PSPH: variants seen among roughly 807,000 people sequenced by gnomAD.
PSPH encodes phosphoserine phosphatase.
A neutral mutation model predicts 23.4 loss-of-function variants in PSPH; 16 were observed. That is an observed-to-expected ratio of 0.68 (90% CI 0.46 to 1.04). The LOEUF (loss-of-function observed/expected upper bound fraction) is 1.04. PSPH is among the 50% of genes least tolerant of loss of function. The pLI, the probability that PSPH is intolerant of heterozygous loss-of-function variation, is 0.00. For missense variants in PSPH, 223 were observed against 273.7 expected (o/e 0.81, Z 1.31); for synonymous variants, 68 against 99.7 (o/e 0.68, Z 1.89).
Position 56,011,807 on chromosome 7 carries a change from C to A in PSPH, c.633G>T (p.Trp211Cys), listed in dbSNP as rs368948571. ...IRQQVKDNAK[W>C]YITDFVELLG... is the part of the protein sequence containing the mutation. ...GCAGCTCTACAAAATCAGTGATATA[C>A]CATTTGGCGTTATCCTTGACTTGTT... is the stretch of plus-strand genomic sequence containing the variant. The change falls in exon 8 of 8, where the codon TGG becomes TGT. Residue 211 changes from tryptophan (W) to cysteine (C), a missense_variant. Coordinates refer to ENST00000275605, the MANE Select transcript of PSPH (RefSeq NM_004577.4). The A allele has an allele frequency of 1.9e-6, 3 of 1,613,476 alleles. No individual in the cohort carries two copies.
chr7:56,018,401 G>A (rs571853240), intron 5 of PSPH, among the ~76,000 whole-genome samples: 55 of 152,060 alleles, frequency 3.6e-4, no homozygotes, highest in African/African-American at 1.1e-3. Flanking sequence ...TTAGGAAACC[G>A]TTCCAGAACT....
At chr7:56,028,775 A>G (rs1790553965) in intron 3 of PSPH, among the ~76,000 whole-genome samples, 1 of 151,824 alleles carries the variant, frequency 6.6e-6, no homozygotes, top group African/African-American at 2.4e-5. Flanking sequence ...GCTCTGCAAA[A>G]TGGTGCACCT....
intron 1 of PSPH, among the ~76,000 whole-genome samples, chr7:56,045,092 T>C (rs1173047142): frequency 2.1e-5 from 2 of 95,390 alleles, no homozygotes; most frequent in Admixed American, 2.1e-4. Context: ...AAAAAAAAAA[T>C]AGAATTCTTG....
In PSPH at chr7:56,016,917, G is replaced by A. The variant is rs374294001; in HGVS notation, c.421+317C>T. ...GAGTCTAAATTGCTTCAAATGCATA[G>A]AAGCTCCCATAAAGTTGAAATATAA... On this transcript the variant is annotated intron_variant, in intron 6 of 7. Coordinates refer to ENST00000275605, the MANE Select transcript of PSPH (RefSeq NM_004577.4). Among the ~76,000 whole-genome samples the A allele has an allele frequency of 4.2e-4, 64 of 152,196 alleles. 2 individuals are homozygous for A. The South Asian group carries it at 0.013, about 31-fold the overall frequency.
intron 1 of PSPH, among the ~76,000 whole-genome samples, chr7:56,050,016 G>C (rs192574141): frequency 6.6e-6 from 1 of 152,028 alleles, no homozygotes; most frequent in African/African-American, 2.4e-5. Flanking sequence ...GATTACAAGC[G>C]TGCGCCACCA....
intron 2 of PSPH, among the ~76,000 whole-genome samples, chr7:56,033,712 C>G (rs1176098663): frequency 6.6e-6 from 1 of 152,078 alleles, no homozygotes; most frequent in African/African-American, 2.4e-5. Context: ...CAATCTTGCA[C>G]TAAGGGTGCT....
chr7:56,047,669 C>CTTTT (rs1197894960), intron 1 of PSPH, among the ~76,000 whole-genome samples: 1 of 138,494 alleles, frequency 7.2e-6, no homozygotes, highest in Non-Finnish European at 1.6e-5. Context: ...GAATAACCTG[C>CTTTT]TTTTTTTTTT....
intron 1 of PSPH, among the ~76,000 whole-genome samples, chr7:56,038,291 C>CAAAAAAAAA (rs34887035): frequency 2.0e-4 from 25 of 127,124 alleles, no homozygotes; most frequent in Admixed American, 3.3e-4. Context: ...ACAAAAAATA[C>CAAAAAAAAA]AAAAAAAAAA....
intron 5 of PSPH, among the ~76,000 whole-genome samples, chr7:56,018,141 C>T (rs1014687184): frequency 7.2e-5 from 11 of 151,902 alleles, no homozygotes; most frequent in African/African-American, 9.7e-5. Context: ...CTCAGGCATT[C>T]GAGACCAGCC....
At chr7:56,038,587 C>T (rs946916627) in intron 1 of PSPH, among the ~76,000 whole-genome samples, 1 of 152,228 alleles carries the variant, frequency 6.6e-6, no homozygotes, top group East Asian at 1.9e-4. Context: ...CTAATCCTAG[C>T]ACTTTGGGAG....
In PSPH at chr7:56,019,641, T is replaced by A. The variant is rs748743185; in HGVS notation, c.234A>T (p.Arg78Ser). The A allele has an allele frequency of 1.9e-6, 3 of 1,613,830 alleles. No homozygotes were observed. In the East Asian group the frequency reaches 6.7e-5, roughly 36 times the overall value. The change falls in exon 5 of 8, where the codon AGA becomes AGT. Residue 78 changes from arginine (R) to serine (S), a missense_variant. Transcript: ENST00000275605. ...GGTGTGGGGGTTGCTCTGCTATGAG[T>A]CTCTGCACCTGCTCCCTGGAGGGCT... ...LIQPSREQVQ[R>S]LIAEQPPHLT...
chr7:56,038,245 T>G (rs1393877264), intron 1 of PSPH, among the ~76,000 whole-genome samples: 1 of 144,484 alleles, frequency 6.9e-6, no homozygotes, highest in Non-Finnish European at 1.5e-5. Context: ...GAAACCATCC[T>G]GGCTAACACG....
At chr7:56,048,273 C>G (rs1793514705) in intron 1 of PSPH, among the ~76,000 whole-genome samples, 1 of 137,738 alleles carries the variant, frequency 7.3e-6, no homozygotes, top group Non-Finnish European at 1.6e-5. Context: ...GAGCAACACT[C>G]TGTCTTTAAA....
At chr7:56,046,752 C>T (rs1286418968) in intron 1 of PSPH, among the ~76,000 whole-genome samples, 1 of 149,856 alleles carries the variant, frequency 6.7e-6, no homozygotes, top group Non-Finnish European at 1.5e-5. Flanking sequence ...CCACTACACT[C>T]CAGCCTGGGC....
At chr7:56,013,794 A>G (rs576217239) in intron 7 of PSPH, among the ~76,000 whole-genome samples, 17 of 152,164 alleles carry the variant, frequency 1.1e-4, no homozygotes, top group Non-Finnish European at 2.2e-4. Context: ...GGTAAATCAT[A>G]TAATCTCTGC....
rs1787870299 is a variant in PSPH at position 56,011,085 on chromosome 7, T to TTATCTTTTATTGACATACCAAACTTC, written c.*676_*677insGAAGTTTGGTATGTCAATAAAAGATA. 1 of 149,986 alleles carries TTATCTTTTATTGACATACCAAACTTC rather than the reference T, an allele frequency of 6.7e-6. No individual in the cohort carries two copies. The highest frequency in any genetic ancestry group is 2.6e-5 in the African/African-American group (1 of 39,076). 9.3% of individuals were successfully genotyped at this position (149,986 alleles called of 1,614,324 possible). Reference sequence around the variant, plus strand: ...TCCGTTCTGACATACGGATAAACTTTTATTGACATACCAAAGAGAAACCAA... The same window carrying TTATCTTTTATTGACATACCAAACTTC: ...TCCGTTCTGACATACGGATAAACTTTTATCTTTTATTGACATACCAAACTTCTATTGACATACCAAAGAGAAACCAA... On this transcript the variant is annotated 3_prime_UTR_variant, in exon 8 of 8. Transcript: ENST00000275605.
chr7:56,045,072 CAA>C lies in PSPH; in HGVS notation c.-292+6064_-292+6065del, dbSNP rs35552809. On this transcript the variant is annotated intron_variant, in intron 1 of 7. Coordinates refer to ENST00000275605, the MANE Select transcript of PSPH (RefSeq NM_004577.4). ...GGGCAACAAGAGTGAAACTCTGCCT[CAA>C]AAAAAAAAAAAAAAAAATAGAATTC... is the stretch of plus-strand genomic sequence containing the variant. 1.5e-3 allele frequency among the ~76,000 whole-genome samples: 179 copies of C among 117,322 alleles called. 2 individuals are homozygous for C. The South Asian group carries it at 0.02, about 13-fold the overall frequency. 77.0% of individuals were successfully genotyped at this position (117,322 alleles called of 152,430 possible). A position where few individuals can be genotyped will look rare whatever the true frequency, so the allele number is the denominator to read the frequency against.
chr7:56,019,451 TTTAAAAAAATAATTAAAAAA>T, intron 5 of PSPH, 129 bp downstream of exon 5: 3 of 994,144 alleles, frequency 3.0e-6, no homozygotes, highest in East Asian at 4.6e-5. Context: ...AAAAATACAA[TTTAAAAAAATAATTAAAAAA>T]TTAAAAAATG....
chr7:56,047,935 G>A (rs999099138), intron 1 of PSPH, among the ~76,000 whole-genome samples: 1 of 151,986 alleles, frequency 6.6e-6, no homozygotes, highest in African/African-American at 2.4e-5. Flanking sequence ...CAAAGTGCTG[G>A]GATTACAGTT....
Sources: allele counts gnomAD v4.1 joint callset (sites outside exome capture counted in the v4.1 genomes callset), GRCh38; gene constraint gnomAD v4.1.1; transcripts MANE v1.5; gene names NCBI Gene and HGNC (gene_info 2026-07-23, HGNC 2026-07-21).